CCNY: variants seen among roughly 807,000 people sequenced by gnomAD.
CCNY encodes cyclin-Y.
CCNY carries 19 observed loss-of-function variants against 42.8 expected under a neutral mutation model. The ratio of observed to expected loss-of-function variants is 0.44; its 90% CI spans 0.31 to 0.65. CCNY has a LOEUF of 0.65. Ranked by LOEUF, CCNY falls within the 30% of genes least tolerant of loss-of-function variation. The pLI is 0.07. For synonymous variants in CCNY, 165 were observed against 162.7 expected, an observed-to-expected ratio of 1.01 and a Z score of -0.11; for missense variants, 370 against 437.3, an observed-to-expected ratio of 0.85 and a Z score of 1.37.
intron 1 of CCNY, among the ~76,000 whole-genome samples, chr10:35,247,884 A>G (rs1001000625): frequency 1.3e-5 from 2 of 151,160 alleles, no homozygotes; most frequent in Non-Finnish European, 2.9e-5. Flanking sequence ...TCAAAAAAAA[A>G]AAAAAAAGAA....
chr10:35,377,555 C>T (rs1301279019), intron 1 of CCNY, among the ~76,000 whole-genome samples: 2 of 152,092 alleles, frequency 1.3e-5, no homozygotes, highest in Non-Finnish European at 2.9e-5. Flanking sequence ...ACAAAATTAC[C>T]TAACAATACA....
chr10:35,539,586 A>G (rs1840956716), intron 7 of CCNY, among the ~76,000 whole-genome samples: 1 of 152,190 alleles, frequency 6.6e-6, no homozygotes, highest in Non-Finnish European at 1.5e-5. Context: ...CAAGAGATCG[A>G]GACCATCCTG....
intron 3 of CCNY, among the ~76,000 whole-genome samples, chr10:35,511,079 C>T (rs998716773): frequency 1.6e-4 from 25 of 152,220 alleles, no homozygotes; most frequent in Non-Finnish European, 2.6e-4. Context: ...GTGCAGGCCC[C>T]TGCGGCCAGC....
chr10:35,541,534 A>T lies in CCNY; in HGVS notation c.579+11291A>T, dbSNP rs142608486. Among the ~76,000 whole-genome samples the T allele has an allele frequency of 1.8e-3, 273 of 152,304 alleles. 1 individual carries two copies. Among genetic ancestry groups the T allele is most frequent in the Non-Finnish European group, 2.6e-3 (179 of 68,028 alleles). ...CCCTGCAGCCTCCTGAGTAACTGGA[A>T]CTACAGCTGTGCACCTTCATACTTG... On this transcript the variant is annotated intron_variant, in intron 7 of 9. Transcript: ENST00000374704.
At chr10:35,539,761 T>C (rs1840961319) in intron 7 of CCNY, among the ~76,000 whole-genome samples, 1 of 152,182 alleles carries the variant, frequency 6.6e-6, no homozygotes, top group African/African-American at 2.4e-5. Flanking sequence ...CACTCCAGCC[T>C]GGTGACAGAG....
intron 3 of CCNY, among the ~76,000 whole-genome samples, chr10:35,288,009 T>C (rs899971451): frequency 6.6e-6 from 1 of 152,190 alleles, no homozygotes; most frequent in Non-Finnish European, 1.5e-5. Flanking sequence ...ATGATAAATA[T>C]ATGTTTTACT....
chr10:35,376,156 T>A (rs1837047340), intron 1 of CCNY, among the ~76,000 whole-genome samples: 1 of 152,190 alleles, frequency 6.6e-6, no homozygotes, highest in Non-Finnish European at 1.5e-5. Flanking sequence ...GTTATTAAAC[T>A]TTTTGGTCAC....
intron 1 of CCNY, among the ~76,000 whole-genome samples, chr10:35,427,830 G>A (rs1328816694): frequency 6.6e-6 from 1 of 152,086 alleles, no homozygotes; most frequent in African/African-American, 2.4e-5. Flanking sequence ...CAAAACAAGT[G>A]CTGACAGTTG....
intron 1 of CCNY, among the ~76,000 whole-genome samples, chr10:35,476,377 A>G (rs2135353845): frequency 6.6e-6 from 1 of 152,246 alleles, no homozygotes; most frequent in Admixed American, 6.5e-5. Flanking sequence ...TTGACCACAT[A>G]GTTGGAAGTA....
chr10:35,426,227 A>C (rs957367192), intron 1 of CCNY, among the ~76,000 whole-genome samples: 1 of 150,210 alleles, frequency 6.7e-6, no homozygotes. Flanking sequence ...ACAAGCATAC[A>C]TGCCCATTCA....
upstream of CCNY, among the ~76,000 whole-genome samples, chr10:35,333,254 T>C (rs1387133366): frequency 6.6e-6 from 1 of 152,186 alleles, no homozygotes; most frequent in Non-Finnish European, 1.5e-5. Flanking sequence ...CCACACTCTA[T>C]TGAGGAACTG....
chr10:35,528,293 C>T (rs923051817), intron 5 of CCNY, among the ~76,000 whole-genome samples: 1 of 152,192 alleles, frequency 6.6e-6, no homozygotes, highest in African/African-American at 2.4e-5. Context: ...GCTTTTTGCT[C>T]ACAGACTACC....
At chr10:35,449,598 C>T (rs894064972) in intron 1 of CCNY, among the ~76,000 whole-genome samples, 11 of 143,288 alleles carry the variant, frequency 7.7e-5, no homozygotes, top group African/African-American at 2.8e-4. Flanking sequence ...AATTACTACG[C>T]GTGCCTGTGC....
chr10:35,479,342 A>G lies in CCNY; in HGVS notation c.155-4062A>G, dbSNP rs1308257481. 6.1e-5 allele frequency among the ~76,000 whole-genome samples: 9 copies of G among 148,556 alleles called. No homozygotes were observed. The Admixed American group carries it at 6.1e-4, about 10-fold the overall frequency. On this transcript the variant is annotated intron_variant, in intron 1 of 9. Coordinates refer to ENST00000374704, the MANE Select transcript of CCNY (RefSeq NM_145012.6). ...TGCGGCATTATTCACAATAGCAAAG[A>G]CTTGGAACCAACCCAAATGTCCAAC...
chr10:35,277,991 T>A (rs114542602), intron 3 of CCNY, among the ~76,000 whole-genome samples: 1 of 152,152 alleles, frequency 6.6e-6, no homozygotes, highest in Non-Finnish European at 1.5e-5. Context: ...GGGTCCCTCC[T>A]GCCTTTAGTG....
At chr10:35,560,703 G>A (rs75710141) in intron 8 of CCNY, among the ~76,000 whole-genome samples, 5 of 152,374 alleles carry the variant, frequency 3.3e-5, no homozygotes, top group Non-Finnish European at 7.3e-5. Flanking sequence ...GGAGATATCT[G>A]TGGACATAGA....
chr10:35,407,734 A>G (rs540222721), intron 1 of CCNY, among the ~76,000 whole-genome samples: 1 of 152,170 alleles, frequency 6.6e-6, no homozygotes, highest in South Asian at 2.1e-4. Context: ...GGAGGGTGGA[A>G]GGTTGCCCAT....
chr10:35,562,316 T>C (rs928712829), intron 8 of CCNY, among the ~76,000 whole-genome samples: 1 of 152,240 alleles, frequency 6.6e-6, no homozygotes, highest in Non-Finnish European at 1.5e-5. Context: ...GTAAAATGTA[T>C]GTAGCATGAA....
At chr10:35,394,115 G>A (rs948538654) in intron 1 of CCNY, among the ~76,000 whole-genome samples, 2 of 152,082 alleles carry the variant, frequency 1.3e-5, no homozygotes, top group African/African-American at 2.4e-5. Context: ...CTCCTGTAAC[G>A]ACTGCTGGGA....
Sources: gnomAD v4.1 joint callset for allele counts (sites outside exome capture counted in the v4.1 genomes callset) on GRCh38, gnomAD v4.1.1 for gene constraint, MANE v1.5 for transcripts, NCBI Gene and HGNC (gene_info 2026-07-23, HGNC 2026-07-21) for gene names.